ZSWIM6: variants seen among roughly 807,000 people sequenced by gnomAD.
ZSWIM6 encodes the protein zinc finger SWIM-type containing 6, also known as zinc finger SWIM domain-containing protein 6.
Under a neutral mutation model 113.2 loss-of-function variants are expected in ZSWIM6, and 9 were observed. That is an observed-to-expected ratio of 0.08 (90% CI 0.05 to 0.14). The LOEUF (loss-of-function observed/expected upper bound fraction) is 0.14, where lower values mean the gene tolerates loss of function less well. ZSWIM6 is among the 10% of genes least tolerant of loss of function. ZSWIM6 has a pLI of 1.00. For missense variants in ZSWIM6, 1,162 were observed against 1,552.2 expected (o/e 0.75, Z 4.22); for synonymous variants, 611 against 606.5 (o/e 1.01, Z -0.11).
At chr5:61,531,802 A>G (rs1561281741) in intron 9 of ZSWIM6, 77 bp downstream of exon 9, 1 of 1,457,090 alleles carries the variant, frequency 6.9e-7, no homozygotes. Context: ...TAAAAGTGCT[A>G]TCTGAATGCA....
chr5:61,465,548 G>C (rs1030937697), intron 1 of ZSWIM6, among the ~76,000 whole-genome samples: 1 of 151,566 alleles, frequency 6.6e-6, no homozygotes, highest in Non-Finnish European at 1.5e-5. Context: ...ATTATCTAAT[G>C]CCACTCATAT....
chr5:61,364,107 T>G (rs1490531931), intron 1 of ZSWIM6, among the ~76,000 whole-genome samples: 2 of 151,840 alleles, frequency 1.3e-5, no homozygotes, highest in Non-Finnish European at 2.9e-5. Flanking sequence ...TGCAGTGGCA[T>G]GATCACAGCT....
chr5:61,445,700 A>T (rs1008218970), intron 1 of ZSWIM6, among the ~76,000 whole-genome samples: 4 of 152,236 alleles, frequency 2.6e-5, no homozygotes, highest in Admixed American at 2.6e-4. Context: ...GAAAAACATC[A>T]TTGGTTTCAT....
rs1483258430 is a variant in ZSWIM6, at chr5:61,391,857, CCTT to C, written c.676+58912_676+58914del. 7.2e-6 allele frequency: 5 copies of C among 698,408 alleles called. No homozygotes were observed. In the African/African-American group the frequency reaches 9.0e-5, roughly 13 times the overall value. The allele number at this position is 698,408 out of a possible 1,614,324, so 43.3% of individuals were successfully genotyped here. A position where few individuals can be genotyped will look rare whatever the true frequency, so the allele number is the denominator to read the frequency against. Reference sequence around the variant, plus strand: ...GGGACCCATGTCTGGGAGCGGAGAACCTTCTGTGAGACATCATGCCATCAAATC... The same window carrying C: ...GGGACCCATGTCTGGGAGCGGAGAACCTGTGAGACATCATGCCATCAAATC... On this transcript the variant is annotated intron_variant, in intron 1 of 13. Coordinates refer to ENST00000252744, the MANE Select transcript of ZSWIM6 (RefSeq NM_020928.2).
intron 1 of ZSWIM6, among the ~76,000 whole-genome samples, chr5:61,343,749 C>G (rs754303321): frequency 1.2e-4 from 19 of 152,110 alleles, no homozygotes; most frequent in Non-Finnish European, 1.6e-4. Context: ...AAATAAGATT[C>G]TAAAACCCAA....
At chr5:61,349,141 A>T (rs113767201) in intron 1 of ZSWIM6, among the ~76,000 whole-genome samples, 1,574 of 152,316 alleles carry the variant, frequency 0.01, 14 homozygotes, top group Non-Finnish European at 0.018. Flanking sequence ...ATACACTGTT[A>T]TGGAGTAGTC....
In ZSWIM6 at chr5:61,543,557, T is replaced by C. The variant is rs769694259; in HGVS notation, c.2888T>C (p.Ile963Thr). The C allele has an allele frequency of 5.8e-6, 9 of 1,551,214 alleles. No individual in the cohort carries two copies. In the Admixed American group the frequency reaches 5.9e-5, roughly 10 times the overall value. Residue 963 changes from isoleucine to threonine, a missense_variant, in exon 14 of 14, where the codon ATC becomes ACC. Ile to Thr is a moderately conservative substitution (Grantham distance 89). Transcript: ENST00000252744. This position sits in a 1 kb window ranked among gnomAD's most constrained non-coding sequence, Gnocchi z 4.3. ...ACTACCGTGATGTCCAACAGCACCA[T>C]CGTCCGCCTCCACCTGGACTGCCAC... ...VATTVMSNST[I>T]VRLHLDCHQQ...
In ZSWIM6 at chr5:61,332,562, G is replaced by A; in HGVS notation, c.290G>A (p.Arg97His). 2 of 1,364,554 alleles carry A rather than the reference G, an allele frequency of 1.5e-6. No homozygotes were observed. The highest frequency in any genetic ancestry group is 1.9e-6 in the Non-Finnish European group (2 of 1,032,004). 84.5% of individuals were successfully genotyped at this position (1,364,554 alleles called of 1,614,324 possible). The change falls in exon 1 of 14, where the codon CGC becomes CAC. Residue 97 changes from arginine to histidine, a missense_variant. Coordinates refer to ENST00000252744, the MANE Select transcript of ZSWIM6 (RefSeq NM_020928.2). ...TGGCCGTTCCAGCGCGTGGAGGAGCGCTTTGAGCGCATCCCGGAGCCGGTG... is the reference window on the plus strand; with the variant it reads ...TGGCCGTTCCAGCGCGTGGAGGAGCACTTTGAGCGCATCCCGGAGCCGGTG... ...EKWPFQRVEE[R>H]FERIPEPVQR...
At chr5:61,507,736 A>G (rs530951814) in intron 4 of ZSWIM6, among the ~76,000 whole-genome samples, 5 of 152,322 alleles carry the variant, frequency 3.3e-5, no homozygotes, top group African/African-American at 1.2e-4. Flanking sequence ...TGTTCTAAGT[A>G]CATAAGAACA....
At chr5:61,492,280 T>G (rs538262101) in intron 3 of ZSWIM6, among the ~76,000 whole-genome samples, 2 of 152,136 alleles carry the variant, frequency 1.3e-5, no homozygotes, top group South Asian at 4.1e-4. Context: ...TTTCATATAT[T>G]CTTATGTTAG....
At chr5:61,355,426 T>A (rs1744878865) in intron 1 of ZSWIM6, among the ~76,000 whole-genome samples, 1 of 131,552 alleles carries the variant, frequency 7.6e-6, no homozygotes, top group African/African-American at 2.9e-5. Flanking sequence ...CTTGAGAGAC[T>A]TTAAAACACA....
intron 1 of ZSWIM6, among the ~76,000 whole-genome samples, chr5:61,338,849 A>G (rs2112023546): frequency 6.6e-6 from 1 of 152,290 alleles, no homozygotes; most frequent in South Asian, 2.1e-4. Context: ...TGCGGTTGTG[A>G]GACTGATGCC....
intron 1 of ZSWIM6, among the ~76,000 whole-genome samples, chr5:61,470,110 G>C (rs1352031739): frequency 6.6e-6 from 1 of 152,150 alleles, no homozygotes; most frequent in Non-Finnish European, 1.5e-5. Flanking sequence ...GGCTTTGCCT[G>C]TAATTAGAAT....
chr5:61,521,762 G>A (rs1042151355), intron 5 of ZSWIM6, among the ~76,000 whole-genome samples: 3 of 152,098 alleles, frequency 2.0e-5, no homozygotes, highest in Non-Finnish European at 2.9e-5. Context: ...TCATGGAGTA[G>A]GATGGTTAAT....
chr5:61,484,289 T>C lies in ZSWIM6; in HGVS notation c.1034-6497T>C, dbSNP rs371095970. The stretch of plus-strand genomic sequence containing the variant: ...CCTTGTGGATTTTGGCCTTTGGTGA[T>C]CATAGAGAACAACTTAAAAAAATGA... On this transcript the variant is annotated intron_variant, in intron 2 of 13. Transcript: ENST00000252744. Among the ~76,000 whole-genome samples the C allele has an allele frequency of 5.3e-5, 8 of 152,280 alleles. No individual in the cohort carries two copies. The East Asian group carries it at 9.7e-4, about 18-fold the overall frequency.
At chr5:61,420,246 A>G (rs924511830) in intron 1 of ZSWIM6, among the ~76,000 whole-genome samples, 1 of 152,262 alleles carries the variant, frequency 6.6e-6, no homozygotes, top group African/African-American at 2.4e-5. Context: ...TGCTCTAGAG[A>G]CCAGCACATT....
At chr5:61,384,166 G>A (rs998455361) in intron 1 of ZSWIM6, among the ~76,000 whole-genome samples, 9 of 149,998 alleles carry the variant, frequency 6.0e-5, no homozygotes, top group African/African-American at 1.7e-4. Flanking sequence ...GCGTGAACCC[G>A]GGAAGCGGAG....
At position 61,332,269 on chromosome 5, in the gene ZSWIM6, G is replaced by A. The variant is rs1163353073; in HGVS notation, c.-4G>A. The A allele has an allele frequency of 6.0e-6, 7 of 1,167,014 alleles. No individual in the cohort carries two copies. The highest frequency in any genetic ancestry group is 1.6e-5 in the African/African-American group (1 of 62,116). The allele number at this position is 1,167,014 out of a possible 1,614,324, so 72.3% of individuals were successfully genotyped here. On this transcript the variant is annotated 5_prime_UTR_variant, in exon 1 of 14. Coordinates refer to ENST00000252744, the MANE Select transcript of ZSWIM6 (RefSeq NM_020928.2). ...TCCGCTGTCGGGTTAGAAGCGGCGC[G>A]GTCATGGCGGAGCGCGGACAGCAGC...
At chr5:61,505,892 G>A (rs535935456) in intron 4 of ZSWIM6, among the ~76,000 whole-genome samples, 164 of 151,604 alleles carry the variant, frequency 1.1e-3, no homozygotes, top group African/African-American at 3.7e-3. Context: ...GATTACAGGC[G>A]TCCACCACCA....
Sources: allele counts gnomAD v4.1 joint callset (sites outside exome capture counted in the v4.1 genomes callset), GRCh38; gene constraint gnomAD v4.1.1; non-coding constraint Gnocchi (gnomAD v3.1); transcripts MANE v1.5; gene names NCBI Gene and HGNC (gene_info 2026-07-23, HGNC 2026-07-21).